Variants in UGT1A5 observed in about 807,000 individuals in gnomAD.
UGT1A5 encodes the protein UDP glucuronosyltransferase family 1 member A5.
A neutral mutation model predicts 40.3 loss-of-function variants in UGT1A5; 29 were observed. The observed-to-expected ratio is 0.72, with a 90% CI of 0.54 to 0.98. UGT1A5 has a LOEUF of 0.98. Among genes scored for constraint, UGT1A5 ranks in the 50% least tolerant of loss-of-function variants. UGT1A5 has a pLI of 0.00. For missense variants in UGT1A5, 678 were observed against 677.9 expected, an observed-to-expected ratio of 1.00 and a Z score of 0.00; for synonymous variants, 257 against 262.5, an observed-to-expected ratio of 0.98 and a Z score of 0.20.
chr2:233,729,936 G>T lies in UGT1A5; in HGVS notation c.867+16078G>T, dbSNP rs1335744695. On this transcript the variant is annotated intron_variant, in intron 1 of 4. Transcript: ENST00000373414. ...TGATGGACTACCCCAGGCCAATCAT[G>T]CCCAACATGGTCTTCATTGGGGGCA... 5 of 1,613,890 alleles carry T rather than the reference G, an allele frequency of 3.1e-6. No individual in the cohort carries two copies. In the African/African-American group the frequency reaches 6.7e-5, roughly 22 times the overall value.
At position 233,768,455 on chromosome 2, in the gene UGT1A5, C is replaced by T. The variant is rs781674536; in HGVS notation, c.1307+16C>T. 1.9e-6 allele frequency: 3 copies of T among 1,610,240 alleles called. No individual in the cohort carries two copies. The highest frequency in any genetic ancestry group is 2.2e-5 in the East Asian group (1 of 44,770). On this transcript the variant is annotated intron_variant, in intron 4 of 4. Coordinates refer to ENST00000373414, the MANE Select transcript of UGT1A5 (RefSeq NM_019078.2). ...ATGACAAAAGGTAAGAAAGAAGATA[C>T]AGAAGAATACTTTGGTCATGGCATT... is the stretch of plus-strand genomic sequence containing the variant.
intron 1 of UGT1A5, among the ~76,000 whole-genome samples, chr2:233,745,836 TTTC>T (rs746165208): frequency 1.3e-4 from 19 of 151,248 alleles, no homozygotes; most frequent in Admixed American, 7.2e-4. Flanking sequence ...GACTCTGAAT[TTTC>T]TTCTGTGCCC....
At chr2:233,768,145 T>C in intron 3 of UGT1A5, 75 bp from the exon 4 acceptor site, 1 of 1,611,332 alleles carries the variant, frequency 6.2e-7, no homozygotes, top group Non-Finnish European at 8.5e-7. Flanking sequence ...TTTGGAGTGT[T>C]TTCAGAACCT....
rs773957041 is a variant in UGT1A5 at position 233,772,325 on chromosome 2, C to G, written c.1371C>G (p.Asp457Glu). Residue 457 changes from aspartate to glutamate, a missense_variant, in exon 5 of 5, where the codon GAC becomes GAG. Coordinates refer to ENST00000373414, the MANE Select transcript of UGT1A5 (RefSeq NM_019078.2). ...AGGACCGCCCGGTGGAGCCGCTGGACCTGGCCGTGTTCTGGGTGGAGTTTG... is the reference window on the plus strand; with the variant it reads ...AGGACCGCCCGGTGGAGCCGCTGGAGCTGGCCGTGTTCTGGGTGGAGTTTG... ...LHKDRPVEPLDLAVFWVEFVM... is the reference protein window; with the variant it reads ...LHKDRPVEPLELAVFWVEFVM... The G allele has an allele frequency of 1.9e-6, 3 of 1,614,136 alleles. No individual in the cohort carries two copies. The highest frequency in any genetic ancestry group is 2.2e-5 in the South Asian group (2 of 91,076).
At position 233,772,877 on chromosome 2, in the gene UGT1A5, G is replaced by C; in HGVS notation, c.*318G>C. The C allele has an allele frequency of 1.7e-6, 1 of 579,394 alleles. No homozygotes were observed. Among genetic ancestry groups the C allele is most frequent in the South Asian group, 2.3e-5 (1 of 42,896 alleles). The allele number at this position is 579,394 out of a possible 1,614,324, so 35.9% of individuals were successfully genotyped here. ...TGAAACATGGCCTGTTTGGGAGTGC[G>C]GGATTCAAAGGTGGTCCCACGGCTG... On this transcript the variant is annotated 3_prime_UTR_variant, in exon 5 of 5. Coordinates refer to ENST00000373414, the MANE Select transcript of UGT1A5 (RefSeq NM_019078.2).
chr2:233,760,564 G>C, intron 1 of UGT1A5: 1 of 1,614,242 alleles, frequency 6.2e-7, no homozygotes, highest in Non-Finnish European at 8.5e-7. Context: ...AGAGTCTTTT[G>C]TTAGTCTCGG....
At chr2:233,725,311 C>A (rs57258852) in intron 1 of UGT1A5, among the ~76,000 whole-genome samples, 1 of 47,288 alleles carries the variant, frequency 2.1e-5, no homozygotes, top group Non-Finnish European at 3.9e-5. Flanking sequence ...GAGGCAGAGG[C>A]AGAGGCGCCT....
chr2:233,718,825 C>T (rs771343471), intron 1 of UGT1A5: 9 of 1,613,344 alleles, frequency 5.6e-6, no homozygotes, highest in African/African-American at 5.3e-5. Context: ...GCTGAGATGG[C>T]CAGAGGACTC....
intron 1 of UGT1A5, among the ~76,000 whole-genome samples, chr2:233,730,329 G>A (rs1170762971): frequency 1.3e-5 from 2 of 152,172 alleles, no homozygotes; most frequent in Non-Finnish European, 2.9e-5. Context: ...GGGACACTAC[G>A]TTTGGAACTG....
At chr2:233,732,709 C>T (rs540969589) in intron 1 of UGT1A5, among the ~76,000 whole-genome samples, 1 of 150,878 alleles carries the variant, frequency 6.6e-6, no homozygotes, top group Non-Finnish European at 1.5e-5. Context: ...GTTACTGTAG[C>T]CTTGTAGTAC....
intron 1 of UGT1A5, among the ~76,000 whole-genome samples, chr2:233,765,730 T>TAATAATAAA (rs1427774434): frequency 6.7e-6 from 1 of 150,190 alleles, no homozygotes; most frequent in Non-Finnish European, 1.5e-5. Context: ...ATAATAATAA[T>TAATAATAAA]AAATAAACCC....
At chr2:233,763,737 C>T (rs1348809742) in intron 1 of UGT1A5, among the ~76,000 whole-genome samples, 2 of 152,090 alleles carry the variant, frequency 1.3e-5, no homozygotes, top group East Asian at 1.9e-4. Context: ...CTGGCATTGG[C>T]GTGTCTTTGG....
chr2:233,734,549 C>A (rs1463144375), intron 1 of UGT1A5, among the ~76,000 whole-genome samples: 2 of 152,092 alleles, frequency 1.3e-5, no homozygotes, highest in Non-Finnish European at 2.9e-5. Flanking sequence ...TTCTTCCCTT[C>A]TGCTAGCTTT....
intron 4 of UGT1A5, chr2:233,771,538 C>A (rs1369830347): frequency 1.3e-5 from 2 of 152,274 alleles, no homozygotes; most frequent in Non-Finnish European, 2.9e-5. Context: ...GGATTTGGCA[C>A]TTACAAATGG....
In UGT1A5 at chr2:233,719,323, C is replaced by G. The variant is rs760645007; in HGVS notation, c.867+5465C>G. On this transcript the variant is annotated intron_variant, in intron 1 of 4. Coordinates refer to ENST00000373414, the MANE Select transcript of UGT1A5 (RefSeq NM_019078.2). ...GTGCTGGCTAAGTACCTGTCGATTC[C>G]TGCTGTGTTTTTTTGGAGGTACATT... 1.2e-5 allele frequency: 20 copies of G among 1,613,830 alleles called. No individual in the cohort carries two copies. In the South Asian group the frequency reaches 2.2e-4, roughly 18 times the overall value.
chr2:233,723,051 G>C (rs1327620442), intron 1 of UGT1A5, among the ~76,000 whole-genome samples: 1 of 141,468 alleles, frequency 7.1e-6, no homozygotes, highest in African/African-American at 2.7e-5. Flanking sequence ...GGCACACTCG[G>C]TGTAACTTTA....
intron 1 of UGT1A5, among the ~76,000 whole-genome samples, chr2:233,722,639 G>C (rs1429567836): frequency 2.0e-5 from 3 of 152,192 alleles, no homozygotes; most frequent in South Asian, 2.1e-4. Flanking sequence ...TTGAGGGCTC[G>C]AGTAAAAGAT....
chr2:233,732,188 TA>T lies in UGT1A5; in HGVS notation c.867+18331del, dbSNP rs994200311. Among the ~76,000 whole-genome samples the T allele has an allele frequency of 9.1e-4, 138 of 152,390 alleles. 1 individual carries two copies. The highest frequency in any genetic ancestry group is 3.2e-3 in the African/African-American group (134 of 41,598). ...TGAGTTCTTTGTAGATTCTGGATATTAGCCCTTTGTCAGATGGGTAGATTGC... is the reference window on the plus strand; with the variant it reads ...TGAGTTCTTTGTAGATTCTGGATATTGCCCTTTGTCAGATGGGTAGATTGC... On this transcript the variant is annotated intron_variant, in intron 1 of 4. Transcript: ENST00000373414.
Position 233,772,910 on chromosome 2 carries a change from T to C in UGT1A5, c.*351T>C. Reference sequence around the variant, plus strand: ...AAGGTGGTCCCACGGCTGCCCCTACTGCAAATGGCAGTTTTAATCTTATCT... The same window carrying C: ...AAGGTGGTCCCACGGCTGCCCCTACCGCAAATGGCAGTTTTAATCTTATCT... On this transcript the variant is annotated 3_prime_UTR_variant, in exon 5 of 5. Coordinates refer to ENST00000373414, the MANE Select transcript of UGT1A5 (RefSeq NM_019078.2). The C allele has an allele frequency of 2.5e-6, 1 of 393,908 alleles. No individual in the cohort carries two copies. Among genetic ancestry groups the C allele is most frequent in the Non-Finnish European group, 4.4e-6 (1 of 225,416 alleles). 24.4% of individuals were successfully genotyped at this position (393,908 alleles called of 1,614,324 possible). A position where few individuals can be genotyped will look rare whatever the true frequency, so the allele number is the denominator to read the frequency against.
Sources: allele counts gnomAD v4.1 joint callset (sites outside exome capture counted in the v4.1 genomes callset), GRCh38; gene constraint gnomAD v4.1.1; transcripts MANE v1.5; gene names NCBI Gene and HGNC (gene_info 2026-07-23, HGNC 2026-07-21).